CHRDL1: variants seen among roughly 807,000 people sequenced by gnomAD.
CHRDL1 encodes chordin-like protein 1.
Under a neutral mutation model 40.9 loss-of-function variants are expected in CHRDL1, and 19 were observed. The ratio of observed to expected loss-of-function variants is 0.46; its 90% CI spans 0.32 to 0.68. CHRDL1 has a LOEUF of 0.68. Among genes scored for constraint, CHRDL1 ranks in the 30% least tolerant of loss-of-function variants. The pLI, the probability that CHRDL1 is intolerant of heterozygous loss-of-function variation, is 0.03. For synonymous variants in CHRDL1, 136 were observed against 123.4 expected, an observed-to-expected ratio of 1.10 and a Z score of -0.68; for missense variants, 329 against 352.1, an observed-to-expected ratio of 0.93 and a Z score of 0.53.
intron 11 of CHRDL1, among the ~76,000 whole-genome samples, chrX:110,676,808 T>C (rs958632516): frequency 2.7e-5 from 3 of 111,007 alleles, no homozygotes; most frequent in African/African-American, 9.8e-5. Context: ...CAAATATTGG[T>C]TTGGGTTACT....
At chrX:110,687,146 T>C (rs2070043356) in intron 9 of CHRDL1, among the ~76,000 whole-genome samples, 1 of 111,237 alleles carries the variant, frequency 9.0e-6, no homozygotes. Context: ...ATGCAGATTA[T>C]GATGCAGTAG....
At position 110,679,359 on chromosome X, in the gene CHRDL1, T is replaced by TTGAAG; in HGVS notation, c.1218_1222dup (p.Lys408ThrfsTer5). The stretch of plus-strand genomic sequence containing the variant: ...ACTCAGGGTTGTTCTGGTCACCAGC[T>TTGAAG]TGAAGTGAGGAAGCTCCTCAAACAT... On this transcript the variant is annotated frameshift_variant, in exon 11 of 12. Transcript: ENST00000372042. LOFTEE classifies it high-confidence loss of function. 1 of 1,205,745 alleles carries TTGAAG rather than the reference T, an allele frequency of 8.3e-7. No individual in the cohort carries two copies. Among genetic ancestry groups the TTGAAG allele is most frequent in the Non-Finnish European group, 1.1e-6 (1 of 889,973 alleles).
chrX:110,679,492 T>C (rs1042085191), intron 10 of CHRDL1, 67 bp from the exon 11 acceptor site: 4 of 721,331 alleles, frequency 5.5e-6, no homozygotes, highest in Non-Finnish European at 6.6e-6. Context: ...CTCCTTTTTT[T>C]CTGCTCAGGC....
intron 4 of CHRDL1, among the ~76,000 whole-genome samples, chrX:110,735,044 A>G (rs2071239286): frequency 9.0e-6 from 1 of 110,923 alleles, no homozygotes; most frequent in African/African-American, 3.3e-5. Flanking sequence ...TTTGAAGGTC[A>G]ATGACCCTTT....
At chrX:110,698,336 C>A (rs760667036) in intron 7 of CHRDL1, among the ~76,000 whole-genome samples, 6 of 111,440 alleles carry the variant, frequency 5.4e-5, no homozygotes, top group Admixed American at 2.9e-4. Flanking sequence ...CCTCCCCACT[C>A]CACCATCACA....
At chrX:110,713,178 G>T (rs897889180) in intron 6 of CHRDL1, among the ~76,000 whole-genome samples, 2 of 111,206 alleles carry the variant, frequency 1.8e-5, no homozygotes, top group Non-Finnish European at 1.9e-5. Context: ...TCAATTATTG[G>T]CTTTTATAAC....
chrX:110,723,632 C>G (rs1679841), intron 4 of CHRDL1, among the ~76,000 whole-genome samples: 8,476 of 111,373 alleles, frequency 0.076, 806 homozygotes, highest in African/African-American at 0.26. Context: ...CCAATCACTT[C>G]AAACCTATAA....
At chrX:110,705,305 A>G (rs2070603390) in intron 6 of CHRDL1, among the ~76,000 whole-genome samples, 1 of 81,443 alleles carries the variant, frequency 1.2e-5, no homozygotes, top group Non-Finnish European at 2.1e-5. Context: ...ATATATATAT[A>G]CACACACACA....
At chrX:110,795,213 C>T (rs1313820279) in intron 1 of CHRDL1, among the ~76,000 whole-genome samples, 2 of 111,123 alleles carry the variant, frequency 1.8e-5, no homozygotes, top group Non-Finnish European at 3.8e-5. Context: ...CTTTCCGGGC[C>T]CTATGTTCTG....
chrX:110,752,847 T>C (rs1364026078), intron 4 of CHRDL1, among the ~76,000 whole-genome samples: 1 of 110,297 alleles, frequency 9.1e-6, no homozygotes, highest in Non-Finnish European at 1.9e-5. Flanking sequence ...AATATAGAAT[T>C]CAGAAGAGAA....
intron 4 of CHRDL1, 143 bp from the exon 5 acceptor site, chrX:110,721,673 G>A: frequency 2.1e-6 from 1 of 486,648 alleles, no homozygotes; most frequent in Admixed American, 3.1e-5. Flanking sequence ...TTTGAATAAT[G>A]TTAAAACAGC....
intron 4 of CHRDL1, among the ~76,000 whole-genome samples, chrX:110,753,957 T>C (rs1268851608): frequency 8.9e-6 from 1 of 112,272 alleles, no homozygotes; most frequent in Non-Finnish European, 1.9e-5. Context: ...TGGTATAAAA[T>C]AGAAATTGCA....
chrX:110,711,203 G>A (rs2070741559), intron 6 of CHRDL1, among the ~76,000 whole-genome samples: 1 of 111,937 alleles, frequency 8.9e-6, no homozygotes, highest in African/African-American at 3.3e-5. Context: ...TTGAATCCAT[G>A]GATGTGCAAC....
chrX:110,791,546 T>C (rs1008884112), intron 2 of CHRDL1, among the ~76,000 whole-genome samples: 4 of 112,186 alleles, frequency 3.6e-5, no homozygotes, highest in Non-Finnish European at 7.5e-5. Flanking sequence ...TTTCAATAAA[T>C]GGCATCCAAT....
At chrX:110,740,395 T>C (rs768767592) in intron 4 of CHRDL1, among the ~76,000 whole-genome samples, 1 of 112,442 alleles carries the variant, frequency 8.9e-6, no homozygotes, top group Non-Finnish European at 1.9e-5. Context: ...GTATCACTCC[T>C]GGCCAAAAGT....
chrX:110,707,186 C>T (rs1376393623), intron 6 of CHRDL1, among the ~76,000 whole-genome samples: 1 of 111,810 alleles, frequency 8.9e-6, no homozygotes, highest in Admixed American at 9.5e-5. Flanking sequence ...TAAAAGGAAA[C>T]TAGTATAAGG....
chrX:110,725,659 A>T (rs2148470487), intron 4 of CHRDL1, among the ~76,000 whole-genome samples: 1 of 111,981 alleles, frequency 8.9e-6, no homozygotes, highest in African/African-American at 3.2e-5. Context: ...CAGTTCTTGG[A>T]TAGTCAGAAA....
rs780640722 is a variant in CHRDL1, at chrX:110,694,087, C to G, written c.778+76G>C. The G allele has an allele frequency of 1.2e-5, 10 of 845,830 alleles. No homozygotes were observed. The Admixed American group carries it at 2.7e-4, about 23-fold the overall frequency. 69.7% of individuals were successfully genotyped at this position (845,830 alleles called of 1,213,427 possible). On this transcript the variant is annotated intron_variant, in intron 8 of 11. Transcript: ENST00000372042. ...CTATTCCTGGGAGAAAGGGTCCTTTCCCAGCTCCAGCCCTGCAAAGACCAG... is the reference window on the plus strand; with the variant it reads ...CTATTCCTGGGAGAAAGGGTCCTTTGCCAGCTCCAGCCCTGCAAAGACCAG...
At chrX:110,733,923 C>T (rs184403500) in intron 4 of CHRDL1, among the ~76,000 whole-genome samples, 2 of 64,053 alleles carry the variant, frequency 3.1e-5, no homozygotes, top group Non-Finnish European at 5.4e-5. Context: ...AAGAGCAAAA[C>T]TCTGTCTCAA....
Sources: allele counts gnomAD v4.1 joint callset (sites outside exome capture counted in the v4.1 genomes callset), GRCh38; gene constraint gnomAD v4.1.1; transcripts MANE v1.5; gene names NCBI Gene and HGNC (gene_info 2026-07-23, HGNC 2026-07-21).